DNAJC1: variants seen among roughly 807,000 people sequenced by gnomAD.
The protein encoded by DNAJC1 is dnaJ homolog subfamily C member 1.
In DNAJC1, 58 loss-of-function variants were observed where a neutral mutation model predicts 76.6. That is an observed-to-expected ratio of 0.76 (90% CI 0.61 to 0.94). DNAJC1 has a LOEUF of 0.94. Ranked by LOEUF, DNAJC1 falls within the 40% of genes least tolerant of loss-of-function variation. The probability of loss-of-function intolerance (pLI) is 0.00; values close to 1 mark genes in which losing one functional copy is unlikely to be tolerated. For missense variants in DNAJC1, 689 were observed against 677.3 expected, an observed-to-expected ratio of 1.02 and a Z score of -0.19; for synonymous variants, 258 against 267.9, an observed-to-expected ratio of 0.96 and a Z score of 0.36.
chr10:21,970,175 A>G (rs1286436732), intron 1 of DNAJC1, among the ~76,000 whole-genome samples: 1 of 152,152 alleles, frequency 6.6e-6, no homozygotes, highest in Non-Finnish European at 1.5e-5. Flanking sequence ...GTTAAAAATA[A>G]TGTAATTCAG....
At chr10:22,001,754 TTATGTTTA>T (rs1838522172) in intron 1 of DNAJC1, among the ~76,000 whole-genome samples, 1 of 152,220 alleles carries the variant, frequency 6.6e-6, no homozygotes, top group Non-Finnish European at 1.5e-5. Flanking sequence ...TCTGGATAGA[TTATGTTTA>T]AGACTCTCTT....
chr10:21,836,653 AC>A (rs1339763385), intron 8 of DNAJC1, among the ~76,000 whole-genome samples: 4 of 152,158 alleles, frequency 2.6e-5, no homozygotes, highest in Non-Finnish European at 5.9e-5. Flanking sequence ...CAAATGGAAA[AC>A]AAAAAAAGGC....
At chr10:21,816,219 T>C (rs998576016) in intron 8 of DNAJC1, among the ~76,000 whole-genome samples, 2 of 150,430 alleles carry the variant, frequency 1.3e-5, no homozygotes, top group Non-Finnish European at 3.0e-5. Flanking sequence ...AACACAAAAA[T>C]TAGGCAGACG....
intron 1 of DNAJC1, among the ~76,000 whole-genome samples, chr10:21,980,994 A>G (rs961156277): frequency 1.3e-5 from 2 of 152,050 alleles, no homozygotes; most frequent in East Asian, 3.9e-4. Flanking sequence ...TTTATAATAC[A>G]TTGATGGAGA....
At chr10:21,892,356 A>AAC (rs35532996) in intron 7 of DNAJC1, among the ~76,000 whole-genome samples, 23,280 of 147,616 alleles carry the variant, frequency 0.16, 1,862 homozygotes, top group Middle Eastern at 0.24. Flanking sequence ...TTGTCTATTT[A>AAC]ACACACACAC....
intron 1 of DNAJC1, among the ~76,000 whole-genome samples, chr10:21,986,825 T>C (rs1268528779): frequency 1.3e-5 from 2 of 152,110 alleles, no homozygotes; most frequent in African/African-American, 2.4e-5. Flanking sequence ...TGGAGTGCAA[T>C]GGCGCGATCT....
chr10:21,841,297 A>G (rs1392111202), intron 8 of DNAJC1, among the ~76,000 whole-genome samples: 1 of 152,206 alleles, frequency 6.6e-6, no homozygotes, highest in Non-Finnish European at 1.5e-5. Context: ...AAAAGAAACT[A>G]CCATCAGTGA....
chr10:21,922,670 A>G (rs1312607964), intron 3 of DNAJC1, among the ~76,000 whole-genome samples: 1 of 152,018 alleles, frequency 6.6e-6, no homozygotes, highest in Non-Finnish European at 1.5e-5. Context: ...ATTTTAAATG[A>G]GAAAATGTAT....
chr10:21,778,205 A>C (rs1311287936), intron 9 of DNAJC1, among the ~76,000 whole-genome samples: 2 of 152,176 alleles, frequency 1.3e-5, no homozygotes, highest in African/African-American at 4.8e-5. Context: ...AAAAAGAAAA[A>C]AAAATGCTGA....
chr10:21,921,291 C>G (rs755349253), intron 3 of DNAJC1, among the ~76,000 whole-genome samples: 11 of 151,878 alleles, frequency 7.2e-5, no homozygotes, highest in Admixed American at 2.0e-4. Flanking sequence ...AGTAAAGACT[C>G]TACCATTGAA....
chr10:21,891,476 C>CAAAAAAAAAAAAA (rs369729722), intron 7 of DNAJC1, among the ~76,000 whole-genome samples: 29 of 38,820 alleles, frequency 7.5e-4, no homozygotes, highest in African/African-American at 8.5e-4. Flanking sequence ...ACAAAGTAGA[C>CAAAAAAAAAAAAA]AAAAAAAAAA....
chr10:21,856,574 A>C (rs1216990220), intron 8 of DNAJC1, among the ~76,000 whole-genome samples: 1 of 152,118 alleles, frequency 6.6e-6, no homozygotes, highest in African/African-American at 2.4e-5. Flanking sequence ...AACTGTCACA[A>C]ATCAAGGCTT....
intron 6 of DNAJC1, among the ~76,000 whole-genome samples, chr10:21,912,987 CTT>C (rs201161273): frequency 3.1e-4 from 41 of 134,380 alleles, no homozygotes; most frequent in Admixed American, 3.8e-4. Context: ...TCTTAGGCAA[CTT>C]TTTTTTTTTT....
intron 1 of DNAJC1, among the ~76,000 whole-genome samples, chr10:21,944,864 A>T (rs2807986): frequency 0.78 from 118,520 of 152,128 alleles, 46,988 homozygotes; most frequent in East Asian, 0.99. Flanking sequence ...CTTGTGAGTA[A>T]CAGACTTGCA....
At chr10:21,986,501 T>C (rs942614992) in intron 1 of DNAJC1, among the ~76,000 whole-genome samples, 8 of 152,202 alleles carry the variant, frequency 5.3e-5, no homozygotes, top group East Asian at 1.9e-4. Context: ...CTTTATTAGG[T>C]TGAGGAAATT....
chr10:21,793,882 G>A (rs1401766943), intron 9 of DNAJC1, among the ~76,000 whole-genome samples: 1 of 152,160 alleles, frequency 6.6e-6, no homozygotes, highest in African/African-American at 2.4e-5. Context: ...GAGCCTAGGA[G>A]GTCGAGGCTA....
At chr10:21,897,747 A>G (rs1173456449) in intron 7 of DNAJC1, among the ~76,000 whole-genome samples, 1 of 152,206 alleles carries the variant, frequency 6.6e-6, no homozygotes, top group Non-Finnish European at 1.5e-5. Context: ...GCATCTACAA[A>G]ACACCTACAG....
At chr10:21,996,458 C>A (rs1451030435) in intron 1 of DNAJC1, among the ~76,000 whole-genome samples, 1 of 152,186 alleles carries the variant, frequency 6.6e-6, no homozygotes. Flanking sequence ...CTGTTTTATT[C>A]TCAACATTGA....
rs150477499 is a variant in DNAJC1 at position 21,821,397 on chromosome 10, CTG to C, written c.979-15300_979-15299del. ...ATATTATGATGGCTTCTTTATATAA[CTG>C]TTTTTCTCTATAGATTATAATCTCC... On this transcript the variant is annotated intron_variant, in intron 8 of 11. Coordinates refer to ENST00000376980, the MANE Select transcript of DNAJC1 (RefSeq NM_022365.4). Among the ~76,000 whole-genome samples the C allele has an allele frequency of 6.2e-3, 950 of 152,206 alleles. 8 individuals carry two copies. Among genetic ancestry groups the C allele is most frequent in the African/African-American group, 0.021 (891 of 41,524 alleles).
Sources: allele counts gnomAD v4.1 joint callset (sites outside exome capture counted in the v4.1 genomes callset), GRCh38; gene constraint gnomAD v4.1.1; transcripts MANE v1.5; gene names NCBI Gene and HGNC (gene_info 2026-07-23, HGNC 2026-07-21).